The following RGPD4 variants were observed in gnomAD, a reference collection of about 807,000 sequenced individuals.
RGPD4 encodes ranBP2-like and GRIP domain-containing protein 4.
A neutral mutation model predicts 141.1 loss-of-function variants in RGPD4; 84 were observed. The observed-to-expected ratio is 0.60, with a 90% CI of 0.50 to 0.71. RGPD4 has a LOEUF of 0.71. RGPD4 is among the 30% of genes least tolerant of loss of function. The probability of loss-of-function intolerance (pLI) is 0.00; values close to 1 mark genes in which losing one functional copy is unlikely to be tolerated. For missense variants in RGPD4, 918 were observed against 1,622.4 expected, an observed-to-expected ratio of 0.57 and a Z score of 7.46; for synonymous variants, 298 against 566.8, an observed-to-expected ratio of 0.53 and a Z score of 6.74.
chr2:107,889,162 G>T (rs1277102690), intron 22 of RGPD4, among the ~76,000 whole-genome samples: 1 of 148,880 alleles, frequency 6.7e-6, no homozygotes, highest in Non-Finnish European at 1.5e-5. Flanking sequence ...GAAGGGTAAT[G>T]CCAAATTAAA....
intron 1 of RGPD4, among the ~76,000 whole-genome samples, chr2:107,835,497 G>T (rs900772097): frequency 1.4e-5 from 2 of 147,300 alleles, no homozygotes; most frequent in African/African-American, 5.0e-5. Context: ...GTAAAATACT[G>T]ATCTGATCTG....
chr2:107,879,960 T>C lies in RGPD4; in HGVS notation c.4925-8T>C. ...TTGAAAATTAATTCTTGGAACAACATGTTGCAGAGCCTCCATTATGGCATG... is the reference window on the plus strand; with the variant it reads ...TTGAAAATTAATTCTTGGAACAACACGTTGCAGAGCCTCCATTATGGCATG... On this transcript the variant is annotated splice_polypyrimidine_tract_variant and splice_region_variant and intron_variant, in intron 20 of 22. Coordinates refer to ENST00000408999, the MANE Select transcript of RGPD4 (RefSeq NM_182588.3). 1 of 1,611,082 alleles carries C rather than the reference T, an allele frequency of 6.2e-7. No homozygotes were observed. Among genetic ancestry groups the C allele is most frequent in the Non-Finnish European group, 8.5e-7 (1 of 1,179,674 alleles).
At chr2:107,829,077 T>G (rs868432510) in intron 1 of RGPD4, among the ~76,000 whole-genome samples, 1 of 9,984 alleles carries the variant, frequency 1.0e-4, no homozygotes, top group Non-Finnish European at 2.2e-4. Flanking sequence ...CGCGCTCTGT[T>G]GAGGCGGCGG....
intron 6 of RGPD4, among the ~76,000 whole-genome samples, chr2:107,846,992 A>C (rs1681974840): frequency 6.6e-6 from 1 of 151,890 alleles, no homozygotes; most frequent in African/African-American, 2.4e-5. Context: ...CTGTAATCCC[A>C]GCACTTTGGG....
intron 22 of RGPD4, among the ~76,000 whole-genome samples, chr2:107,886,706 C>G (rs1408361610): frequency 1.3e-5 from 2 of 151,986 alleles, no homozygotes; most frequent in African/African-American, 4.8e-5. Context: ...AAATAATAAC[C>G]AACACTGCAT....
At chr2:107,888,258 GA>G (rs1675563178) in intron 22 of RGPD4, among the ~76,000 whole-genome samples, 1 of 109,242 alleles carries the variant, frequency 9.2e-6, no homozygotes, top group Non-Finnish European at 1.9e-5. Flanking sequence ...TAGTTACCAG[GA>G]ACATTGTTTG....
chr2:107,880,205 G>A (rs752895365), intron 21 of RGPD4, 98 bp downstream of exon 21: 18 of 1,526,928 alleles, frequency 1.2e-5, no homozygotes, highest in Admixed American at 6.9e-5. Context: ...CATTGCAGAT[G>A]CATCTATAAC....
intron 21 of RGPD4, among the ~76,000 whole-genome samples, chr2:107,882,077 C>G (rs1675382736): frequency 6.6e-6 from 1 of 151,890 alleles, no homozygotes; most frequent in Non-Finnish European, 1.5e-5. Flanking sequence ...CAACCCATGG[C>G]TCCAGTTATT....
At chr2:107,834,010 AC>A (rs139844576) in intron 1 of RGPD4, among the ~76,000 whole-genome samples, 99,685 of 145,836 alleles carry the variant, frequency 0.68, 34,629 homozygotes, top group Middle Eastern at 0.76. Flanking sequence ...CATCTCAAAA[AC>A]AAAAAAAGGA....
Position 107,870,942 on chromosome 2 carries a change from T to C in RGPD4, c.2938T>C (p.Ser980Pro), listed in dbSNP as rs1029276487. ...FTFADVAKSTSGEGFQFGKKD... is the reference protein window; with the variant it reads ...FTFADVAKSTPGEGFQFGKKD... ...ATTTGCAGATGTTGCAAAATCAACTTCAGGAGAAGGATTTCAGTTTGGCAA... is the reference window on the plus strand; with the variant it reads ...ATTTGCAGATGTTGCAAAATCAACTCCAGGAGAAGGATTTCAGTTTGGCAA... Residue 980 changes from serine to proline, a missense_variant, in exon 20 of 23, where the codon TCA becomes CCA. Coordinates refer to ENST00000408999, the MANE Select transcript of RGPD4 (RefSeq NM_182588.3). 2 of 1,609,534 alleles carry C rather than the reference T, an allele frequency of 1.2e-6. No individual in the cohort carries two copies. The highest frequency in any genetic ancestry group is 2.7e-5 in the African/African-American group (2 of 73,858).
intron 1 of RGPD4, among the ~76,000 whole-genome samples, chr2:107,830,905 C>T (rs1681460800): frequency 6.6e-6 from 1 of 152,160 alleles, no homozygotes; most frequent in Non-Finnish European, 1.5e-5. Context: ...CATTTTTCTA[C>T]TCCCTCACAT....
At chr2:107,883,486 T>A (rs1446330668) in intron 22 of RGPD4, among the ~76,000 whole-genome samples, 1 of 150,996 alleles carries the variant, frequency 6.6e-6, no homozygotes, top group Non-Finnish European at 1.5e-5. Context: ...AAAAATTAGC[T>A]GGACGTGGTG....
Position 107,872,285 on chromosome 2 carries a change from G to A in RGPD4, c.4281G>A (p.Trp1427Ter). Residue 1427 changes from tryptophan to a stop codon, truncating the protein, a stop_gained, in exon 20 of 23, where the codon TGG (tryptophan) becomes TGA (stop). Coordinates refer to ENST00000408999, the MANE Select transcript of RGPD4 (RefSeq NM_182588.3). LOFTEE classifies it high-confidence loss of function. ...LQNMKGTERV[W>*]VWTACDFADG... is the part of the protein sequence containing the mutation. ...ATATGAAAGGGACAGAAAGAGTATG[G>A]GTGTGGACTGCATGTGATTTTGCAG... 2 of 1,610,468 alleles carry A rather than the reference G, an allele frequency of 1.2e-6. No individual in the cohort carries two copies. Among genetic ancestry groups the A allele is most frequent in the Non-Finnish European group, 1.7e-6 (2 of 1,179,708 alleles).
chr2:107,885,838 A>T (rs1036479411), intron 22 of RGPD4, among the ~76,000 whole-genome samples: 1 of 151,904 alleles, frequency 6.6e-6, no homozygotes, highest in Non-Finnish European at 1.5e-5. Flanking sequence ...AGATCACCTG[A>T]GGTCAGGAGT....
rs949222957 is a variant in RGPD4 at position 107,872,108 on chromosome 2, T to C, written c.4104T>C (p.Asp1368=). 4.3e-6 allele frequency: 7 copies of C among 1,611,244 alleles called. No individual in the cohort carries two copies. Among genetic ancestry groups the C allele is most frequent in the Admixed American group, 1.7e-5 (1 of 59,960 alleles). Residue 1368 remains aspartate (D), a synonymous_variant, in exon 20 of 23, where the codon GAT becomes GAC. Transcript: ENST00000408999. The stretch of plus-strand genomic sequence containing the variant: ...ACAGGGCAGAACTCTACAGATATGA[T>C]AAAGATGTTGGTCAATGGAAAGAAA... The part of the protein sequence containing the change: ...FSHRAELYRY[D]KDVGQWKERG...
chr2:107,827,775 G>T (rs1299429312), intron 1 of RGPD4, among the ~76,000 whole-genome samples: 1 of 33,508 alleles, frequency 3.0e-5, no homozygotes, highest in Admixed American at 2.0e-4. Context: ...TCCCTGGCGC[G>T]CTCTGTTGAG....
intron 3 of RGPD4, among the ~76,000 whole-genome samples, 192 bp from the exon 4 acceptor site, chr2:107,838,620 G>A (rs1681717697): frequency 1.4e-5 from 1 of 71,586 alleles, no homozygotes; most frequent in African/African-American, 6.0e-5. Context: ...TTTTTATTTG[G>A]TTCATTTCCA....
intron 9 of RGPD4, among the ~76,000 whole-genome samples, chr2:107,857,198 T>A (rs1282481765): frequency 6.6e-6 from 1 of 150,388 alleles, no homozygotes; most frequent in East Asian, 2.0e-4. Flanking sequence ...AGTGCAGTGG[T>A]GCGATCTCGG....
chr2:107,887,078 A>G (rs3178993), intron 22 of RGPD4, among the ~76,000 whole-genome samples: 2 of 147,812 alleles, frequency 1.4e-5, no homozygotes, highest in East Asian at 3.9e-4. Flanking sequence ...CCCTATGTCT[A>G]CAAAAATTTT....
Sources: gnomAD v4.1 joint callset for allele counts (sites outside exome capture counted in the v4.1 genomes callset) on GRCh38, gnomAD v4.1.1 for gene constraint, MANE v1.5 for transcripts, NCBI Gene and HGNC (gene_info 2026-07-23, HGNC 2026-07-21) for gene names.